MAP2: variants seen among roughly 807,000 people sequenced by gnomAD.
MAP2 encodes the protein microtubule associated protein 2, also known as microtubule-associated protein 2.
In MAP2, 14 loss-of-function variants were observed where a neutral mutation model predicts 137.6. The ratio of observed to expected loss-of-function variants is 0.10; its 90% confidence interval spans 0.07 to 0.16. MAP2 has a LOEUF of 0.16. Ranked by LOEUF, MAP2 falls within the 10% of genes least tolerant of loss-of-function variation. MAP2 has a pLI of 1.00. For missense variants in MAP2, 2,088 were observed against 2,191.5 expected (o/e 0.95, Z 0.94); for synonymous variants, 786 against 782.3 (o/e 1.00, Z -0.08).
intron 1 of MAP2, among the ~76,000 whole-genome samples, chr2:209,426,270 C>G (rs1219938528): frequency 6.6e-6 from 1 of 152,094 alleles, no homozygotes; most frequent in Non-Finnish European, 1.5e-5. Context: ...TTGCTTAACA[C>G]ACATCTGAAG....
At chr2:209,723,636 G>T (rs141333130) in intron 13 of MAP2, 40 of 1,613,878 alleles carry the variant, frequency 2.5e-5, no homozygotes, top group Middle Eastern at 3.3e-4. Context: ...GCAAAGTTCA[G>T]TCCAGATGTG....
rs141503049 is a variant in MAP2, at chr2:209,653,945, A to C, written c.262+513A>C. Among the ~76,000 whole-genome samples the C allele has an allele frequency of 3.3e-3, 502 of 152,364 alleles. 5 individuals are homozygous for C. The highest frequency in any genetic ancestry group is 0.011 in the African/African-American group (475 of 41,596). On this transcript the variant is annotated intron_variant, in intron 5 of 15. Coordinates refer to ENST00000682079, the MANE Select transcript of MAP2 (RefSeq NM_001375505.1). ...CAGTGCATGTGCAAGAAATGGTCCC[A>C]GAACTTCATGAATCAGATGATCTTG...
chr2:209,548,413 A>G (rs183909685), intron 2 of MAP2, among the ~76,000 whole-genome samples: 18 of 152,330 alleles, frequency 1.2e-4, no homozygotes, highest in Admixed American at 7.8e-4. Flanking sequence ...CAGATATTCT[A>G]TCTTCTTTCT....
chr2:209,440,178 A>G (rs573020105), intron 1 of MAP2, among the ~76,000 whole-genome samples: 10 of 151,612 alleles, frequency 6.6e-5, no homozygotes, highest in African/African-American at 1.7e-4. Flanking sequence ...CTTATTCACC[A>G]TGATATCCCA....
At chr2:209,682,816 A>G (rs1381467772) in intron 7 of MAP2, among the ~76,000 whole-genome samples, 2 of 152,130 alleles carry the variant, frequency 1.3e-5, no homozygotes, top group South Asian at 4.1e-4. Context: ...TGTGAGAGTA[A>G]GCAGTGGTCA....
At chr2:209,536,918 C>G (rs553804467) in intron 2 of MAP2, among the ~76,000 whole-genome samples, 1 of 152,294 alleles carries the variant, frequency 6.6e-6, no homozygotes, top group South Asian at 2.1e-4. Context: ...TGTTTCCTCA[C>G]TGAATATGTT....
At chr2:209,620,724 A>T (rs769773328) in intron 3 of MAP2, among the ~76,000 whole-genome samples, 1 of 152,210 alleles carries the variant, frequency 6.6e-6, no homozygotes, top group Non-Finnish European at 1.5e-5. Flanking sequence ...TTGGACATTC[A>T]GTCTTCAATA....
chr2:209,730,072 G>A (rs1254426319), intron 15 of MAP2, 110 bp downstream of exon 15: 3 of 1,144,362 alleles, frequency 2.6e-6, no homozygotes, highest in African/African-American at 1.5e-5. Flanking sequence ...AAGAAGTGGG[G>A]ATAACAGAGG....
chr2:209,593,635 ATATATATAT>A lies in MAP2; in HGVS notation c.-107+13536_-107+13544del, dbSNP rs1189194116. On this transcript the variant is annotated intron_variant, in intron 3 of 15. Transcript: ENST00000682079. Reference sequence around the variant, plus strand: ...CTGTCTCTACAAAAAAAAAAAAAAAATATATATATATATATATATATATATATATATATA... The same window carrying A: ...CTGTCTCTACAAAAAAAAAAAAAAAAATATATATATATATATATATATATA... 8.1e-3 allele frequency among the ~76,000 whole-genome samples: 195 copies of A among 24,066 alleles called. 18 individuals are homozygous for A. The highest frequency in any genetic ancestry group is 0.01 in the Non-Finnish European group (155 of 15,028). The allele number at this position is 24,066 out of a possible 152,430, so 15.8% of individuals were successfully genotyped here. A position where few individuals can be genotyped will look rare whatever the true frequency, so the allele number is the denominator to read the frequency against.
chr2:209,425,684 A>G (rs1184255848), intron 1 of MAP2, among the ~76,000 whole-genome samples: 10 of 152,252 alleles, frequency 6.6e-5, no homozygotes, highest in Non-Finnish European at 1.5e-4. Flanking sequence ...TGTGAGCCAC[A>G]TTATGCAAAA....
At chr2:209,441,338 T>A (rs1697715876) in intron 1 of MAP2, among the ~76,000 whole-genome samples, 1 of 135,512 alleles carries the variant, frequency 7.4e-6, no homozygotes, top group Non-Finnish European at 1.6e-5. Flanking sequence ...TAAGTCTTAA[T>A]TCATCAGGCG....
chr2:209,499,172 G>T (rs1231779769), intron 1 of MAP2, among the ~76,000 whole-genome samples: 1 of 152,128 alleles, frequency 6.6e-6, no homozygotes, highest in East Asian at 1.9e-4. Flanking sequence ...TGAATGTATT[G>T]CTGCTCAGAA....
intron 1 of MAP2, among the ~76,000 whole-genome samples, chr2:209,435,981 C>CTG (rs1695964526): frequency 9.7e-6 from 1 of 103,218 alleles, no homozygotes; most frequent in East Asian, 2.0e-4. Flanking sequence ...ATAATATATA[C>CTG]AGTATATATT....
intron 5 of MAP2, among the ~76,000 whole-genome samples, chr2:209,659,453 G>A (rs1410439098): frequency 6.6e-6 from 1 of 152,130 alleles, no homozygotes; most frequent in Non-Finnish European, 1.5e-5. Flanking sequence ...ACAGACCAGT[G>A]CTGTTTCCAC....
intron 5 of MAP2, among the ~76,000 whole-genome samples, chr2:209,672,903 A>G (rs1449431556): frequency 6.6e-6 from 1 of 151,832 alleles, no homozygotes; most frequent in Non-Finnish European, 1.5e-5. Flanking sequence ...GGATGACAGC[A>G]TTTCTCAATT....
intron 3 of MAP2, among the ~76,000 whole-genome samples, chr2:209,601,473 A>C (rs977262855): frequency 6.6e-6 from 1 of 152,192 alleles, no homozygotes; most frequent in African/African-American, 2.4e-5. Context: ...GATATTGAAT[A>C]GTCTTTGACA....
At chr2:209,700,256 T>C in intron 10 of MAP2, 21 bp from the exon 11 acceptor site, 1 of 1,610,034 alleles carries the variant, frequency 6.2e-7, no homozygotes, top group Non-Finnish European at 8.5e-7. Flanking sequence ...TTTGGGGTTG[T>C]TTGTCTTTTA....
chr2:209,712,639 T>C (rs2065886637), intron 13 of MAP2, among the ~76,000 whole-genome samples: 1 of 152,154 alleles, frequency 6.6e-6, no homozygotes, highest in South Asian at 2.1e-4. Context: ...CGCATTGCAA[T>C]TGAACTGTCT....
Position 209,426,332 on chromosome 2 carries a change from A to AT in MAP2, c.-222+2057dup, listed in dbSNP as rs1394404458. Reference sequence around the variant, plus strand: ...CCTTTTATAAAATAATATTTTAGTTATATTAATTTTTATTTTATTTATCTC... The same window carrying AT: ...CCTTTTATAAAATAATATTTTAGTTATTATTAATTTTTATTTTATTTATCTC... On this transcript the variant is annotated intron_variant, in intron 1 of 15. Transcript: ENST00000682079. Among the ~76,000 whole-genome samples, 16 of 152,178 alleles carry AT rather than the reference A, an allele frequency of 1.1e-4. No homozygotes were observed. In the South Asian group the frequency reaches 3.3e-3, roughly 32 times the overall value.
Sources: allele counts gnomAD v4.1 joint callset (sites outside exome capture counted in the v4.1 genomes callset), GRCh38; gene constraint gnomAD v4.1.1; transcripts MANE v1.5; gene names NCBI Gene and HGNC (gene_info 2026-07-23, HGNC 2026-07-21).